CLASP2: variants seen among roughly 807,000 people sequenced by gnomAD.
CLASP2 encodes cytoplasmic linker associated protein 2, also known as CLIP-associating protein 2.
Under a neutral mutation model 194.4 loss-of-function variants are expected in CLASP2, and 47 were observed. The ratio of observed to expected loss-of-function variants is 0.24; its 90% CI spans 0.19 to 0.31. The LOEUF is 0.31. Among genes scored for constraint, CLASP2 ranks in the 10% least tolerant of loss-of-function variants. The pLI is 1.00. For missense variants in CLASP2, 1,445 were observed against 1,823.6 expected (o/e 0.79, Z 3.78); for synonymous variants, 619 against 633.5 (o/e 0.98, Z 0.34).
chr3:33,694,413 C>A (rs192916920), intron 2 of CLASP2, among the ~76,000 whole-genome samples: 1 of 152,172 alleles, frequency 6.6e-6, no homozygotes, highest in Non-Finnish European at 1.5e-5. Context: ...ATACATAATA[C>A]CTAGAACTAT....
chr3:33,713,824 G>A (rs2093156544), intron 1 of CLASP2, among the ~76,000 whole-genome samples: 1 of 152,046 alleles, frequency 6.6e-6, no homozygotes, highest in Admixed American at 6.6e-5. Flanking sequence ...TGCTCAGGCT[G>A]TGTTTTCTCC....
At position 33,708,812 on chromosome 3, in the gene CLASP2, T is replaced by A. The variant is rs142977085; in HGVS notation, c.195+8996A>T. Reference sequence around the variant, plus strand: ...ATAGCTGTACCAATTTACATTCCCATCAACAGTGTACAATTTTCTTCTCCA... The same window carrying A: ...ATAGCTGTACCAATTTACATTCCCAACAACAGTGTACAATTTTCTTCTCCA... On this transcript the variant is annotated intron_variant, in intron 1 of 38. Coordinates refer to ENST00000682230, the MANE Select transcript of CLASP2 (RefSeq NM_001365631.1). 6.8e-4 allele frequency among the ~76,000 whole-genome samples: 103 copies of A among 152,210 alleles called. 2 individuals are homozygous for A. In the East Asian group the frequency reaches 9.3e-3, roughly 14 times the overall value.
chr3:33,521,816 T>C (rs2053171774), intron 34 of CLASP2, among the ~76,000 whole-genome samples: 2 of 152,166 alleles, frequency 1.3e-5, no homozygotes, highest in Non-Finnish European at 2.9e-5. Flanking sequence ...GGGAAGGTCT[T>C]GGATGGTAAA....
At position 33,496,413 on chromosome 3, in the gene CLASP2, A is replaced by C. The variant is rs1199850064; in HGVS notation, c.*2218T>G. On this transcript the variant is annotated 3_prime_UTR_variant, in exon 39 of 39. Transcript: ENST00000682230. ...ATCTCAGTATGTTTCTGGAATGAACAAATTAAGGGTGTATTGTATATAGTG... is the reference window on the plus strand; with the variant it reads ...ATCTCAGTATGTTTCTGGAATGAACCAATTAAGGGTGTATTGTATATAGTG... 1 of 152,174 alleles carries C rather than the reference A, an allele frequency of 6.6e-6. No individual in the cohort carries two copies. The highest frequency in any genetic ancestry group is 1.5e-5 in the Non-Finnish European group (1 of 68,000). The allele number at this position is 152,174 out of a possible 1,614,324, so 9.4% of individuals were successfully genotyped here.
rs552891293 is a variant in CLASP2 at position 33,693,367 on chromosome 3, T to G, written c.275-3435A>C. Among the ~76,000 whole-genome samples the G allele has an allele frequency of 1.2e-4, 19 of 152,246 alleles. No homozygotes were observed. The South Asian group carries it at 3.7e-3, about 30-fold the overall frequency. ...CCAAAACTAAACATTATCTCTCAAATCAAGTTATATATATCTACAGTTAGA... is the reference window on the plus strand; with the variant it reads ...CCAAAACTAAACATTATCTCTCAAAGCAAGTTATATATATCTACAGTTAGA... On this transcript the variant is annotated intron_variant, in intron 2 of 38. Coordinates refer to ENST00000682230, the MANE Select transcript of CLASP2 (RefSeq NM_001365631.1).
intron 29 of CLASP2, among the ~76,000 whole-genome samples, chr3:33,556,409 G>A (rs1273312772): frequency 1.3e-5 from 2 of 151,168 alleles, no homozygotes; most frequent in Non-Finnish European, 2.9e-5. Context: ...AAACACTGGT[G>A]TAAGAGTTGA....
rs1465976241 is a variant in CLASP2, at chr3:33,525,995, A to G, written c.3788-8821T>C. ...CTGATCCAGTCTTCCGGCTTTATAG[A>G]GTTTGATCTGACCAGGGGGCGGAAG... On this transcript the variant is annotated intron_variant, in intron 34 of 38. Transcript: ENST00000682230. Among the ~76,000 whole-genome samples the G allele has an allele frequency of 2.0e-5, 3 of 151,892 alleles. No individual in the cohort carries two copies. In the East Asian group the frequency reaches 5.8e-4, roughly 29 times the overall value.
intron 21 of CLASP2, among the ~76,000 whole-genome samples, chr3:33,588,950 T>A (rs986597455): frequency 1.3e-5 from 2 of 152,130 alleles, no homozygotes; most frequent in Admixed American, 1.3e-4. Flanking sequence ...GCTAATCAAC[T>A]GAAATCAGAC....
At chr3:33,629,996 T>TA (rs879776949) in intron 9 of CLASP2, among the ~76,000 whole-genome samples, 2 of 152,056 alleles carry the variant, frequency 1.3e-5, no homozygotes, top group Non-Finnish European at 1.5e-5. Context: ...AAGTAGTTGT[T>TA]AGAGTACTTA....
intron 6 of CLASP2, among the ~76,000 whole-genome samples, chr3:33,678,365 A>C (rs774124345): frequency 1.2e-4 from 19 of 152,144 alleles, no homozygotes; most frequent in Non-Finnish European, 1.9e-4. Context: ...AATATTCTCA[A>C]AGTAACCAGA....
Position 33,510,683 on chromosome 3 carries a change from T to C in CLASP2, c.4192A>G (p.Ile1398Val), listed in dbSNP as rs564748894. ...ATTGGGTAGTCTGCAGTTTGAATGA[T>C]AGGACAAAGCACTTTGATGCACTGC... Reference protein sequence around the residue: ...PEQCIKVLCPIIQTADYPINL... With the variant: ...PEQCIKVLCPVIQTADYPINL... Residue 1398 changes from isoleucine to valine, a missense_variant, in exon 37 of 39, where the codon ATC (isoleucine) becomes GTC (valine). Ile to Val is a conservative substitution (Grantham distance 29). Transcript: ENST00000682230. The C allele has an allele frequency of 5.0e-6, 8 of 1,613,778 alleles. No homozygotes were observed. The highest frequency in any genetic ancestry group is 4.5e-5 in the East Asian group (2 of 44,872).
chr3:33,579,793 G>A (rs1265576219), intron 23 of CLASP2, among the ~76,000 whole-genome samples: 1 of 152,140 alleles, frequency 6.6e-6, no homozygotes, highest in Non-Finnish European at 1.5e-5. Context: ...GAAAGGTTAC[G>A]TAGCTGGGGA....
chr3:33,513,155 C>T (rs2050398089), intron 36 of CLASP2, among the ~76,000 whole-genome samples: 1 of 152,138 alleles, frequency 6.6e-6, no homozygotes, highest in Non-Finnish European at 1.5e-5. Context: ...AACTAAACTA[C>T]AAATATTAGG....
intron 30 of CLASP2, among the ~76,000 whole-genome samples, chr3:33,550,263 G>A (rs893363607): frequency 3.3e-5 from 5 of 151,734 alleles, no homozygotes; most frequent in Non-Finnish European, 7.4e-5. Flanking sequence ...GGGTGTGGTG[G>A]TGGGTGCCTG....
intron 34 of CLASP2, among the ~76,000 whole-genome samples, chr3:33,520,225 C>T (rs992996300): frequency 6.6e-6 from 1 of 152,156 alleles, no homozygotes; most frequent in South Asian, 2.1e-4. Flanking sequence ...AGGCTAGTCT[C>T]GAACTCCTGA....
intron 8 of CLASP2, among the ~76,000 whole-genome samples, chr3:33,643,093 A>C (rs1032199261): frequency 1.3e-5 from 2 of 151,900 alleles, no homozygotes; most frequent in Non-Finnish European, 2.9e-5. Context: ...GAGCTTAAGA[A>C]AGTTTATCCT....
At chr3:33,632,220 G>C (rs975546667) in intron 9 of CLASP2, 72 bp downstream of exon 9, 2 of 914,784 alleles carry the variant, frequency 2.2e-6, no homozygotes, top group Non-Finnish European at 3.1e-6. Context: ...TTCTTAAAAA[G>C]GGACAGAGAC....
intron 16 of CLASP2, 69 bp from the exon 17 acceptor site, chr3:33,604,278 T>C: frequency 1.0e-6 from 1 of 968,892 alleles, no homozygotes; most frequent in Non-Finnish European, 1.6e-6. Context: ...ACCAATAAAA[T>C]ACTACTGAAT....
chr3:33,683,931 CAAA>C (rs35349805), intron 6 of CLASP2, among the ~76,000 whole-genome samples: 11 of 78,866 alleles, frequency 1.4e-4, no homozygotes, highest in Admixed American at 2.9e-4. Flanking sequence ...GACTCTGTCT[CAAA>C]AAAAAAAAAA....
Sources: gnomAD v4.1 joint callset for allele counts (sites outside exome capture counted in the v4.1 genomes callset) on GRCh38, gnomAD v4.1.1 for gene constraint, MANE v1.5 for transcripts, NCBI Gene and HGNC (gene_info 2026-07-23, HGNC 2026-07-21) for gene names.